The following NOL4 variants were observed in gnomAD, a reference collection of about 807,000 sequenced individuals.
The protein encoded by NOL4 is cancer/testis antigen 125.
Under a neutral mutation model 75.9 loss-of-function variants are expected in NOL4, and 17 were observed. The ratio of observed to expected loss-of-function variants is 0.22; its 90% CI spans 0.15 to 0.34. The LOEUF is 0.34. Among genes scored for constraint, NOL4 ranks in the 10% least tolerant of loss-of-function variants. The probability of loss-of-function intolerance (pLI) is 1.00; values close to 1 mark genes in which losing one functional copy is unlikely to be tolerated. For synonymous variants in NOL4, 292 were observed against 289.9 expected, an observed-to-expected ratio of 1.01 and a Z score of -0.07; for missense variants, 614 against 793.5, an observed-to-expected ratio of 0.77 and a Z score of 2.72.
chr18:34,208,511 G>A (rs1356350089), intron 1 of NOL4, among the ~76,000 whole-genome samples: 6 of 151,904 alleles, frequency 3.9e-5, no homozygotes, highest in African/African-American at 9.7e-5. Flanking sequence ...GGTTCAAAAT[G>A]TCAGTTGTAA....
intron 8 of NOL4, among the ~76,000 whole-genome samples, chr18:33,949,097 TG>T (rs1232591347): frequency 6.6e-6 from 1 of 152,120 alleles, no homozygotes; most frequent in Non-Finnish European, 1.5e-5. Flanking sequence ...TTATTTGTGA[TG>T]TTTTTCTAGG....
intron 6 of NOL4, among the ~76,000 whole-genome samples, chr18:33,997,942 A>G (rs1484725297): frequency 6.6e-6 from 1 of 151,944 alleles, no homozygotes; most frequent in African/African-American, 2.4e-5. Flanking sequence ...ATTGGGCTGA[A>G]TAATGAAGGA....
chr18:34,146,367 A>G (rs948312128), intron 1 of NOL4, among the ~76,000 whole-genome samples: 1 of 152,114 alleles, frequency 6.6e-6, no homozygotes, highest in Non-Finnish European at 1.5e-5. Context: ...TAAGTCTTAC[A>G]TCTAAGTCTT....
At chr18:33,877,272 G>C (rs2063983975) in intron 10 of NOL4, among the ~76,000 whole-genome samples, 1 of 151,624 alleles carries the variant, frequency 6.6e-6, no homozygotes, top group Non-Finnish European at 1.5e-5. Flanking sequence ...TTCAAGACCA[G>C]CTTGGGCAAC....
chr18:33,868,216 T>A (rs867557380), intron 10 of NOL4, among the ~76,000 whole-genome samples: 1 of 151,726 alleles, frequency 6.6e-6, no homozygotes, highest in South Asian at 2.1e-4. Flanking sequence ...GGGTAATTTT[T>A]TTTTTTTTTC....
intron 9 of NOL4, among the ~76,000 whole-genome samples, chr18:33,894,316 A>G (rs1385299454): frequency 6.6e-6 from 1 of 152,128 alleles, no homozygotes; most frequent in African/African-American, 2.4e-5. Context: ...TTTTGATGGC[A>G]TCAACAAAAC....
At chr18:33,954,285 ATT>A (rs2069479733) in intron 8 of NOL4, among the ~76,000 whole-genome samples, 1 of 151,994 alleles carries the variant, frequency 6.6e-6, no homozygotes, top group Non-Finnish European at 1.5e-5. Flanking sequence ...CAATCCCCTT[ATT>A]TTTTCCCCAT....
chr18:34,035,497 C>T (rs1265297661), intron 5 of NOL4, among the ~76,000 whole-genome samples: 1 of 151,694 alleles, frequency 6.6e-6, no homozygotes, highest in Non-Finnish European at 1.5e-5. Context: ...CAATAAATGC[C>T]TACATTTAAA....
intron 5 of NOL4, among the ~76,000 whole-genome samples, chr18:34,057,553 G>A (rs1367751176): frequency 6.6e-6 from 1 of 152,138 alleles, no homozygotes; most frequent in Non-Finnish European, 1.5e-5. Flanking sequence ...GGCATCTGCT[G>A]TTGCCCTGAA....
chr18:34,200,771 A>C (rs2035677526), intron 1 of NOL4, among the ~76,000 whole-genome samples: 2 of 151,810 alleles, frequency 1.3e-5, no homozygotes, highest in Admixed American at 6.6e-5. Context: ...AAAATAAGAA[A>C]TGTATTGTTG....
At chr18:34,027,068 C>T (rs868303002) in intron 5 of NOL4, among the ~76,000 whole-genome samples, 10 of 152,172 alleles carry the variant, frequency 6.6e-5, no homozygotes, top group African/African-American at 2.2e-4. Flanking sequence ...TGACATGTGT[C>T]GCATTCTACA....
chr18:34,063,556 C>T (rs1022654222), intron 5 of NOL4, among the ~76,000 whole-genome samples: 3 of 152,014 alleles, frequency 2.0e-5, no homozygotes, highest in East Asian at 3.9e-4. Context: ...AAATGAAGTA[C>T]GTGAGGTTTT....
chr18:34,002,820 G>C (rs1414450345), intron 6 of NOL4, among the ~76,000 whole-genome samples: 1 of 152,042 alleles, frequency 6.6e-6, no homozygotes, highest in Non-Finnish European at 1.5e-5. Context: ...ACTACATGAT[G>C]ACTCAGAATC....
intron 5 of NOL4, among the ~76,000 whole-genome samples, chr18:34,027,853 T>A (rs2075425320): frequency 6.6e-6 from 1 of 152,172 alleles, no homozygotes; most frequent in Admixed American, 6.6e-5. Flanking sequence ...AGCCAAGAAG[T>A]AATGTCAGAC....
intron 6 of NOL4, among the ~76,000 whole-genome samples, chr18:33,989,359 A>C (rs1310137699): frequency 6.6e-6 from 1 of 151,996 alleles, no homozygotes; most frequent in Non-Finnish European, 1.5e-5. Context: ...CTGAGTAAAA[A>C]AATACGAAAA....
intron 5 of NOL4, among the ~76,000 whole-genome samples, chr18:34,041,145 C>G (rs955874176): frequency 6.6e-6 from 1 of 151,730 alleles, no homozygotes; most frequent in Admixed American, 6.6e-5. Context: ...AATGTTAGTC[C>G]CAGCATTGTT....
At chr18:33,933,882 C>T (rs1395940730) in intron 9 of NOL4, among the ~76,000 whole-genome samples, 1 of 152,126 alleles carries the variant, frequency 6.6e-6, no homozygotes. Flanking sequence ...TTCTTAATGG[C>T]ATCTAGAATG....
chr18:33,856,901 G>T, intron 10 of NOL4, among the ~76,000 whole-genome samples: 1 of 151,886 alleles, frequency 6.6e-6, no homozygotes, highest in Non-Finnish European at 1.5e-5. Flanking sequence ...TTTCTTAATT[G>T]AGCTTCACCG....
intron 1 of NOL4, among the ~76,000 whole-genome samples, chr18:34,176,860 G>A (rs898147307): frequency 3.3e-5 from 5 of 152,012 alleles, no homozygotes; most frequent in Non-Finnish European, 5.9e-5. Context: ...AGCCAAAAAT[G>A]CTAAGCTACC....
Sources: allele counts gnomAD v4.1 joint callset (sites outside exome capture counted in the v4.1 genomes callset), GRCh38; gene constraint gnomAD v4.1.1; transcripts MANE v1.5; gene names NCBI Gene and HGNC (gene_info 2026-07-23, HGNC 2026-07-21).